SORCS3: variants seen among roughly 807,000 people sequenced by gnomAD.
SORCS3 encodes the protein VPS10 domain-containing receptor SorCS3.
Under a neutral mutation model 146.3 loss-of-function variants are expected in SORCS3, and 57 were observed. The ratio of observed to expected loss-of-function variants is 0.39; its 90% CI spans 0.31 to 0.49. The LOEUF (loss-of-function observed/expected upper bound fraction) is 0.49, where lower values mean the gene tolerates loss of function less well. Ranked by LOEUF, SORCS3 falls within the 20% of genes least tolerant of loss-of-function variation. SORCS3 has a pLI of 0.92. For synonymous variants in SORCS3, 653 were observed against 618.5 expected (o/e 1.06, Z -0.83); for missense variants, 1,341 against 1,575.5 (o/e 0.85, Z 2.52).
intron 20 of SORCS3, among the ~76,000 whole-genome samples, chr10:105,242,919 T>G (rs2056844099): frequency 2.7e-5 from 1 of 36,954 alleles, no homozygotes; most frequent in Non-Finnish European, 4.5e-5. Flanking sequence ...ATATATAATA[T>G]ATATGATATA....
chr10:105,120,446 C>T (rs1404189599), intron 7 of SORCS3, among the ~76,000 whole-genome samples: 1 of 152,136 alleles, frequency 6.6e-6, no homozygotes. Context: ...TATGCAAATG[C>T]CAATGACCCC....
rs1436359882 is a variant in SORCS3 at position 104,684,814 on chromosome 10, T to G, written c.627+42860T>G. Among the ~76,000 whole-genome samples, 4 of 52,410 alleles carry G rather than the reference T, an allele frequency of 7.6e-5. 1 individual carries two copies. Among genetic ancestry groups the G allele is most frequent in the African/African-American group, 3.3e-4 (4 of 12,012 alleles). 34.4% of individuals were successfully genotyped at this position (52,410 alleles called of 152,430 possible). ...TTTTTTTTTTTTTTTTTTTTTTTTT[T>G]TTTTTTTTTTTTTTTTTTTATGAGA... On this transcript the variant is annotated intron_variant, in intron 1 of 26. Coordinates refer to ENST00000369701, the MANE Select transcript of SORCS3 (RefSeq NM_014978.3).
chr10:104,945,236 C>CTGTTTTGTTT (rs10528591), intron 3 of SORCS3, among the ~76,000 whole-genome samples: 9,181 of 151,428 alleles, frequency 0.061, 315 homozygotes, highest in African/African-American at 0.1. Flanking sequence ...TGCTAATTTT[C>CTGTTTTGTTT]TGTTTTGTTT....
chr10:104,943,896 T>C (rs1180598036), intron 3 of SORCS3, among the ~76,000 whole-genome samples: 1 of 152,118 alleles, frequency 6.6e-6, no homozygotes, highest in African/African-American at 2.4e-5. Context: ...CAGGAGTAGA[T>C]CCATATATAT....
intron 1 of SORCS3, among the ~76,000 whole-genome samples, chr10:104,833,181 G>C (rs1320401213): frequency 6.6e-6 from 1 of 152,208 alleles, no homozygotes; most frequent in African/African-American, 2.4e-5. Context: ...CCATGACGGT[G>C]ACTAGCGCAA....
At chr10:105,225,195 T>C (rs1463515398) in intron 20 of SORCS3, among the ~76,000 whole-genome samples, 1 of 152,144 alleles carries the variant, frequency 6.6e-6, no homozygotes, top group Non-Finnish European at 1.5e-5. Flanking sequence ...TGTTGTCTTC[T>C]AGGAGTTTTA....
At chr10:104,855,010 T>C (rs1340765467) in intron 2 of SORCS3, among the ~76,000 whole-genome samples, 1 of 152,240 alleles carries the variant, frequency 6.6e-6, no homozygotes, top group Non-Finnish European at 1.5e-5. Context: ...AAAATAATGC[T>C]GTTCTGAACA....
intron 1 of SORCS3, among the ~76,000 whole-genome samples, chr10:104,707,608 C>T (rs2016350864): frequency 6.6e-6 from 1 of 152,090 alleles, no homozygotes. Context: ...AGAAGGAGGA[C>T]CTGAATCACA....
intron 2 of SORCS3, among the ~76,000 whole-genome samples, chr10:104,900,192 T>A (rs2018836491): frequency 6.6e-6 from 1 of 152,180 alleles, no homozygotes; most frequent in Non-Finnish European, 1.5e-5. Context: ...CAAAGTTGGT[T>A]TATAATGTGC....
intron 17 of SORCS3, among the ~76,000 whole-genome samples, chr10:105,211,752 A>G (rs1248745259): frequency 6.6e-6 from 1 of 152,186 alleles, no homozygotes; most frequent in African/African-American, 2.4e-5. Context: ...TTGTTCATGT[A>G]TTAGTTACTC....
chr10:104,749,304 C>T (rs1213092146), intron 1 of SORCS3, among the ~76,000 whole-genome samples: 1 of 149,100 alleles, frequency 6.7e-6, no homozygotes, highest in African/African-American at 2.5e-5. Flanking sequence ...GGATCTTGTC[C>T]TTAGAAGTGC....
chr10:104,697,033 TG>T (rs901802723), intron 1 of SORCS3, among the ~76,000 whole-genome samples: 27 of 151,984 alleles, frequency 1.8e-4, no homozygotes, highest in African/African-American at 6.5e-4. Flanking sequence ...GAACCAGTTC[TG>T]GGGATCTAAT....
At chr10:104,743,711 A>G (rs2016876224) in intron 1 of SORCS3, among the ~76,000 whole-genome samples, 1 of 151,990 alleles carries the variant, frequency 6.6e-6, no homozygotes, top group Admixed American at 6.6e-5. Context: ...TTGTCTCCAT[A>G]TTCTCCCCTA....
At chr10:105,030,192 G>A (rs2055256140) in intron 4 of SORCS3, among the ~76,000 whole-genome samples, 1 of 152,188 alleles carries the variant, frequency 6.6e-6, no homozygotes, top group African/African-American at 2.4e-5. Context: ...TTTTAAAACA[G>A]TAAACATTCA....
intron 5 of SORCS3, among the ~76,000 whole-genome samples, chr10:105,083,348 C>G (rs1429454465): frequency 6.6e-6 from 1 of 151,692 alleles, no homozygotes; most frequent in Non-Finnish European, 1.5e-5. Flanking sequence ...CTTTATGTGT[C>G]CTGAGGCTAG....
At chr10:104,885,526 G>A (rs556894953) in intron 2 of SORCS3, among the ~76,000 whole-genome samples, 4 of 152,208 alleles carry the variant, frequency 2.6e-5, no homozygotes, top group East Asian at 3.9e-4. Flanking sequence ...TGTTAGGACC[G>A]GAACAGTGTT....
chr10:105,085,861 C>T (rs2055656815), intron 5 of SORCS3, among the ~76,000 whole-genome samples: 1 of 152,120 alleles, frequency 6.6e-6, no homozygotes, highest in South Asian at 2.1e-4. Flanking sequence ...TGTGAAGCTG[C>T]ACACATGTGC....
At chr10:105,244,886 C>G (rs1348800171) in intron 20 of SORCS3, among the ~76,000 whole-genome samples, 1 of 151,766 alleles carries the variant, frequency 6.6e-6, no homozygotes, top group Non-Finnish European at 1.5e-5. Flanking sequence ...CTGGGCAACA[C>G]GGTGAAACCC....
chr10:104,957,435 G>A (rs1032741148), intron 3 of SORCS3, among the ~76,000 whole-genome samples: 4 of 152,110 alleles, frequency 2.6e-5, no homozygotes, highest in African/African-American at 9.7e-5. Context: ...GTGGAGCTTT[G>A]AAATCAGAAG....
Sources: allele counts gnomAD v4.1 joint callset (sites outside exome capture counted in the v4.1 genomes callset), GRCh38; gene constraint gnomAD v4.1.1; transcripts MANE v1.5; gene names NCBI Gene and HGNC (gene_info 2026-07-23, HGNC 2026-07-21).